Variants in CHAD observed in about 807,000 individuals in gnomAD.
CHAD encodes chondroadherin.
CHAD carries 18 observed loss-of-function variants against 24.0 expected under a neutral mutation model. The ratio of observed to expected loss-of-function variants is 0.75; its 90% confidence interval spans 0.52 to 1.11. CHAD has a LOEUF of 1.11. Ranked by LOEUF, CHAD falls within the 50% of genes most tolerant of loss-of-function variation. The probability of loss-of-function intolerance (pLI) is 0.00; values close to 1 mark genes in which losing one functional copy is unlikely to be tolerated. For synonymous variants in CHAD, 195 were observed against 211.6 expected (o/e 0.92, Z 0.68); for missense variants, 440 against 467.2 (o/e 0.94, Z 0.54).
intron 1 of CHAD, 79 bp downstream of exon 1, chr17:50,467,959 GGT>G: frequency 7.0e-7 from 1 of 1,427,924 alleles, no homozygotes. Flanking sequence ...GACGGGGGAT[GGT>G]GCCAGCTGTG....
At chr17:50,466,618 G>A (rs114247589) in intron 1 of CHAD, among the ~76,000 whole-genome samples, 2,862 of 152,288 alleles carry the variant, frequency 0.019, 100 homozygotes, top group African/African-American at 0.065. Flanking sequence ...TGGGCAGTGG[G>A]CCCAGGCTCC....
At position 50,468,657 on chromosome 17, in the gene CHAD, T is replaced by A. The variant is rs758386550; in HGVS notation, c.157A>T (p.Thr53Ser). The A allele has an allele frequency of 6.2e-7, 1 of 1,614,194 alleles. No individual in the cohort carries two copies. Reference sequence around the variant, plus strand: ...TTGCGCTGTAGGTTGAGCAGCTTGGTCTTCTCTGACACCTTGGGGATCTTC... The same window carrying A: ...TTGCGCTGTAGGTTGAGCAGCTTGGACTTCTCTGACACCTTGGGGATCTTC... ...LQKIPKVSEK[T>S]KLLNLQRNNF... The change falls in exon 1 of 4, where the codon ACC becomes TCC. Residue 53 changes from threonine (T) to serine (S), a missense_variant. Coordinates refer to ENST00000508540, the MANE Select transcript of CHAD (RefSeq NM_001267.3).
intron 1 of CHAD, among the ~76,000 whole-genome samples, chr17:50,467,335 C>A (rs146879705): frequency 1.8e-3 from 274 of 152,338 alleles, no homozygotes; most frequent in African/African-American, 6.3e-3. Context: ...CAAGGATTGA[C>A]AATAGTGGTC....
At position 50,464,703 on chromosome 17, in the gene CHAD, C is replaced by A; in HGVS notation, c.*351G>T. ...TTTCCACGTGGCAGGGAAAGAGGAA[C>A]AGAGGAAGGATGATCCTGGGAGGGT... On this transcript the variant is annotated 3_prime_UTR_variant, in exon 4 of 4. Transcript: ENST00000508540. 4.6e-6 allele frequency: 2 copies of A among 433,254 alleles called. No homozygotes were observed. The highest frequency in any genetic ancestry group is 9.1e-6 in the Non-Finnish European group (2 of 219,750). The allele number at this position is 433,254 out of a possible 1,614,324, so 26.8% of individuals were successfully genotyped here.
chr17:50,468,865 G>A lies in CHAD; in HGVS notation c.-52C>T. The A allele has an allele frequency of 6.9e-7, 1 of 1,447,298 alleles. No individual in the cohort carries two copies. Among genetic ancestry groups the A allele is most frequent in the Non-Finnish European group, 9.0e-7 (1 of 1,109,370 alleles). 89.7% of individuals were successfully genotyped at this position (1,447,298 alleles called of 1,614,324 possible). ...GGGGCAGCAGCGGCGGCGGGGCGCG[G>A]GCAGCGGCGAGTCCTAGGCGCTCGG... is the stretch of plus-strand genomic sequence containing the variant. On this transcript the variant is annotated 5_prime_UTR_variant, in exon 1 of 4. Coordinates refer to ENST00000508540, the MANE Select transcript of CHAD (RefSeq NM_001267.3).
chr17:50,468,253 C>T lies in CHAD; in HGVS notation c.561G>A (p.Gln187=). The change falls in exon 1 of 4, where the codon CAG becomes CAA. Residue 187 remains glutamine, a synonymous_variant. Transcript: ENST00000508540. ...TCTCCACGTCGTCCAGGGCCCCGGG[C>T]TGCAGGGAGCTCAACGCGTTTTCCG... ...YLSENALSSL[Q]PGALDDVENL... is the part of the protein sequence containing the mutation. The T allele has an allele frequency of 6.2e-7, 1 of 1,611,530 alleles. No individual in the cohort carries two copies.
chr17:50,465,127 A>G, intron 3 of CHAD, 78 bp from the exon 4 acceptor site: 1 of 697,676 alleles, frequency 1.4e-6, no homozygotes. Context: ...AGTCCTGGGC[A>G]GGACCTTTTC....
chr17:50,464,763 T>C lies in CHAD; in HGVS notation c.*291A>G, dbSNP rs2032570839. On this transcript the variant is annotated 3_prime_UTR_variant, in exon 4 of 4. Transcript: ENST00000508540. ...GATGACCAACCTGTTGTGGTTCTGA[T>C]TGACTTGGGGGGGGGGTCTCAGCAA... is the stretch of plus-strand genomic sequence containing the variant. 3 of 204,770 alleles carry C rather than the reference T, an allele frequency of 1.5e-5. No individual in the cohort carries two copies. The highest frequency in any genetic ancestry group is 6.9e-5 in the South Asian group (2 of 29,170). 12.7% of individuals were successfully genotyped at this position (204,770 alleles called of 1,614,324 possible).
chr17:50,467,293 T>C (rs370196957), intron 1 of CHAD, among the ~76,000 whole-genome samples: 27 of 152,298 alleles, frequency 1.8e-4, no homozygotes, highest in African/African-American at 6.5e-4. Flanking sequence ...CACGCCAGTC[T>C]TCTCTGTGGA....
rs770935217 is a variant in CHAD, at chr17:50,468,379, C to A, written c.435G>T (p.Pro145=). ...GCTGCAAGATGAAGAGGTTGACCAG[C>A]GGGGAGAGCAACCCCCGGGGCAGCT... is the stretch of plus-strand genomic sequence containing the variant. ...VTELPRGLLS[P]LVNLFILQLN... The change falls in exon 1 of 4, where the codon CCG becomes CCT. Residue 145 remains proline, a synonymous_variant. Transcript: ENST00000508540. The A allele has an allele frequency of 4.3e-6, 7 of 1,613,936 alleles. No individual in the cohort carries two copies. In the East Asian group the frequency reaches 1.3e-4, roughly 31 times the overall value.
intron 1 of CHAD, 63 bp from the exon 2 acceptor site, chr17:50,465,933 G>A (rs1182770904): frequency 1.9e-6 from 3 of 1,584,208 alleles, no homozygotes; most frequent in Non-Finnish European, 2.6e-6. Context: ...GTAAGCACCC[G>A]AGTGCCAGAG....
In CHAD at chr17:50,468,504, A is replaced by C. The variant is rs1416597882; in HGVS notation, c.310T>G (p.Leu104Val). 1.3e-5 allele frequency: 21 copies of C among 1,614,138 alleles called. No individual in the cohort carries two copies. The East Asian group carries it at 4.5e-4, about 34-fold the overall frequency. Residue 104 changes from leucine to valine, a missense_variant, in exon 1 of 4, where the codon TTG becomes GTG. Leu to Val is a conservative substitution (Grantham distance 32, BLOSUM62 1). Transcript: ENST00000508540. ...CGGATGTCGTTATGGGACAGGTACA[A>C]GTAGATAAGTTGCTTGAGGCCGCGG... ...AFRGLKQLIY[L>V]YLSHNDIRVL...
At position 50,465,860 on chromosome 17, in the gene CHAD, C is replaced by T. The variant is rs560202078; in HGVS notation, c.785G>A (p.Gly262Asp). ...CAGCGTGGTTACACCCAGGAAGGCA[C>T]CATCTGAGAACTGGGGAGCAAGGTG... ...DNTNLEKFSD[G>D]AFLGVTTLKH... The change falls in exon 2 of 4, where the codon GGT (glycine) becomes GAT (aspartate). Residue 262 changes from glycine (G) to aspartate (D), a missense_variant. Gly to Asp is a moderately conservative substitution (Grantham distance 94, BLOSUM62 -1). Coordinates refer to ENST00000508540, the MANE Select transcript of CHAD (RefSeq NM_001267.3). 594 of 1,613,772 alleles carry T rather than the reference C, an allele frequency of 3.7e-4. 6 individuals are homozygous for T. In the South Asian group the frequency reaches 6.2e-3, roughly 17 times the overall value.
At chr17:50,466,046 C>G (rs950803458) in intron 1 of CHAD, among the ~76,000 whole-genome samples, 176 bp from the exon 2 acceptor site, 5 of 151,942 alleles carry the variant, frequency 3.3e-5, no homozygotes, top group African/African-American at 1.2e-4. Context: ...TCTACACAAC[C>G]CCCTTTGAGA....
At position 50,468,736 on chromosome 17, in the gene CHAD, G is replaced by A. The variant is rs764845486; in HGVS notation, c.78C>T (p.Asn26=). 8 of 1,608,972 alleles carry A rather than the reference G, an allele frequency of 5.0e-6. No individual in the cohort carries two copies. Among genetic ancestry groups the A allele is most frequent in the South Asian group, 1.1e-5 (1 of 90,880 alleles). ...LLPALAACPQ[N]CHCHSDLQHV... is the part of the protein sequence containing the mutation. The stretch of plus-strand genomic sequence containing the variant: ...GCTGCAGGTCGCTGTGGCAGTGGCA[G>A]TTCTGGGGGCAGGCGGCCAGCGCCG... The change falls in exon 1 of 4, where the codon AAC becomes AAT. Residue 26 remains asparagine, a synonymous_variant. Transcript: ENST00000508540.
rs1234227204 is a variant in CHAD, at chr17:50,468,586, G to A, written c.228C>T (p.Asn76=). Residue 76 remains asparagine (N), a synonymous_variant, in exon 1 of 4, where the codon AAC becomes AAT. Coordinates refer to ENST00000508540, the MANE Select transcript of CHAD (RefSeq NM_001267.3). ...LAANSFRAMP[N]LVSLHLQHCQ... ...AGTGCTGCAGGTGCAATGACACGAG[G>A]TTCGGCATGGCCCGGAACGAATTGG... 3 of 1,614,082 alleles carry A rather than the reference G, an allele frequency of 1.9e-6. No individual in the cohort carries two copies. Among genetic ancestry groups the A allele is most frequent in the Non-Finnish European group, 2.5e-6 (3 of 1,179,996 alleles).
rs535167122 is a variant in CHAD, at chr17:50,465,069, G to A, written c.*5-20C>T. ...CAGAACCTGCAAAGAGGCAAAGATC[G>A]ATGTCAGTACTCCAACAACACAGAT... is the stretch of plus-strand genomic sequence containing the variant. On this transcript the variant is annotated intron_variant, in intron 3 of 3. Coordinates refer to ENST00000508540, the MANE Select transcript of CHAD (RefSeq NM_001267.3). 1.5e-4 allele frequency: 86 copies of A among 570,922 alleles called. No homozygotes were observed. The highest frequency in any genetic ancestry group is 1.5e-3 in the African/African-American group (79 of 53,342). The allele number at this position is 570,922 out of a possible 1,614,324, so 35.4% of individuals were successfully genotyped here. A position where few individuals can be genotyped will look rare whatever the true frequency, so the allele number is the denominator to read the frequency against.
At chr17:50,466,483 C>T (rs533445827) in intron 1 of CHAD, among the ~76,000 whole-genome samples, 2 of 152,316 alleles carry the variant, frequency 1.3e-5, no homozygotes, top group South Asian at 4.1e-4. Flanking sequence ...GCCACAGGAC[C>T]ACACCCAGCT....
Position 50,468,622 on chromosome 17 carries a change from C to T in CHAD, c.192G>A (p.Pro64=), listed in dbSNP as rs760240849. The T allele has an allele frequency of 5.6e-6, 9 of 1,614,126 alleles. No homozygotes were observed. The highest frequency in any genetic ancestry group is 6.8e-6 in the Non-Finnish European group (8 of 1,180,054). The change falls in exon 1 of 4, where the codon CCG becomes CCA. Residue 64 remains proline, a synonymous_variant. Transcript: ENST00000508540. ...CCCGGAACGAATTGGCAGCCAGCAC[C>T]GGGAAGTTGTTGCGCTGTAGGTTGA... ...KLLNLQRNNF[P]VLAANSFRAM...
Sources: gnomAD v4.1 joint callset for allele counts (sites outside exome capture counted in the v4.1 genomes callset) on GRCh38, gnomAD v4.1.1 for gene constraint, MANE v1.5 for transcripts, NCBI Gene and HGNC (gene_info 2026-07-23, HGNC 2026-07-21) for gene names.